Variants in NOS1 observed in about 807,000 individuals in gnomAD.
The protein encoded by NOS1 is NOS type I.
A neutral mutation model predicts 164.5 loss-of-function variants in NOS1; 51 were observed. That is an observed-to-expected ratio of 0.31 (90% CI 0.25 to 0.39). The LOEUF is 0.39. Among genes scored for constraint, NOS1 ranks in the 10% least tolerant of loss-of-function variants. NOS1 has a pLI of 1.00. For synonymous variants in NOS1, 719 were observed against 745.8 expected (o/e 0.96, Z 0.59); for missense variants, 1,362 against 1,885.6 (o/e 0.72, Z 5.14).
At chr12:117,240,618 A>G (rs962542754) in intron 20 of NOS1, among the ~76,000 whole-genome samples, 6 of 152,210 alleles carry the variant, frequency 3.9e-5, no homozygotes, top group African/African-American at 1.4e-4. Context: ...TAAAATGTGT[A>G]TGATAAGAGT....
chr12:117,350,509 C>T (rs779639322), intron 1 of NOS1, among the ~76,000 whole-genome samples: 1 of 152,202 alleles, frequency 6.6e-6, no homozygotes, highest in South Asian at 2.1e-4. Context: ...CCCATTTTCT[C>T]AAAGTACCTT....
At chr12:117,280,691 G>A in intron 8 of NOS1, 34 bp downstream of exon 8, 2 of 1,599,550 alleles carry the variant, frequency 1.3e-6, no homozygotes, top group African/African-American at 1.3e-5. Context: ...AAGAGCCCAT[G>A]TTGGGGCAGG....
At chr12:117,304,997 A>G in intron 3 of NOS1, 1 of 985,342 alleles carries the variant, frequency 1.0e-6, no homozygotes, top group Non-Finnish European at 1.2e-6. Flanking sequence ...CCTTTTGCCC[A>G]GTCCTTGGCA....
rs375610199 is a variant in NOS1, at chr12:117,226,669, C to A, written c.3704+14G>T. The A allele has an allele frequency of 9.3e-6, 15 of 1,611,714 alleles. No individual in the cohort carries two copies. The highest frequency in any genetic ancestry group is 1.2e-5 in the Non-Finnish European group (14 of 1,178,010). ...TTTGAGATGATTGCTCATTTTTCTC[C>A]ACTTATTACTCACCCTCTCACGAAA... On this transcript the variant is annotated intron_variant, in intron 24 of 28. Transcript: ENST00000317775.
Position 117,234,750 on chromosome 12 carries a change from G to A in NOS1, c.3050C>T (p.Thr1017Ile). 1 of 1,607,962 alleles carries A rather than the reference G, an allele frequency of 6.2e-7. No individual in the cohort carries two copies. ...GTTGGTGTGGAGACGCACGAAGATA[G>A]TTGACCGACTGCAGGAAATTGCAGA... ...NLQSPKSSRSTIFVRLHTNGS... is the reference protein window; with the variant it reads ...NLQSPKSSRSIIFVRLHTNGS... The change falls in exon 21 of 29, where the codon ACT (threonine) becomes ATT (isoleucine). Residue 1017 changes from threonine to isoleucine, a missense_variant. This residue lies in a region of NOS1 where 737 missense variants were observed against 1,030.3 expected (regional missense o/e 0.72). Coordinates refer to ENST00000317775, the MANE Select transcript of NOS1 (RefSeq NM_000620.5). The surrounding 1 kb of genome is among the most constrained non-coding windows in gnomAD (Gnocchi z 4.3).
Position 117,331,015 on chromosome 12 carries a change from G to C in NOS1, c.55C>G (p.Arg19Gly). The change falls in exon 2 of 29, where the codon CGT (arginine) becomes GGT (glycine). Residue 19 changes from arginine to glycine, a missense_variant. By Grantham distance (125) the Arg-to-Gly change is moderately radical. Coordinates refer to ENST00000317775, the MANE Select transcript of NOS1 (RefSeq NM_000620.5). ...CCCCCAACTTTGCGCTTGAAGAGAC[G>C]AACAGAAATGACATTGGGCTGGATT... Reference protein sequence around the residue: ...QQIQPNVISVRLFKRKVGGLG... With the variant: ...QQIQPNVISVGLFKRKVGGLG... The C allele has an allele frequency of 6.2e-7, 1 of 1,614,126 alleles. No individual in the cohort carries two copies. Among genetic ancestry groups the C allele is most frequent in the Non-Finnish European group, 8.5e-7 (1 of 1,180,024 alleles).
At chr12:117,264,894 G>A (rs1325095458) in intron 12 of NOS1, among the ~76,000 whole-genome samples, 1 of 151,892 alleles carries the variant, frequency 6.6e-6, no homozygotes, top group Non-Finnish European at 1.5e-5. Context: ...AGTAGAGATG[G>A]GGTTTCGCCA....
chr12:117,361,227 G>A (rs1311988440), intron 1 of NOS1, among the ~76,000 whole-genome samples: 1 of 149,898 alleles, frequency 6.7e-6, no homozygotes, highest in African/African-American at 2.4e-5. Flanking sequence ...CGCGGCCGCC[G>A]CGCTCCGGGT....
intron 10 of NOS1, among the ~76,000 whole-genome samples, chr12:117,269,177 C>T (rs1322394007): frequency 6.6e-6 from 1 of 152,056 alleles, no homozygotes; most frequent in Admixed American, 6.6e-5. Context: ...GTGGAGACAG[C>T]ATGCAAGGTG....
intron 7 of NOS1, among the ~76,000 whole-genome samples, chr12:117,282,882 C>T (rs908362394): frequency 6.6e-6 from 1 of 151,912 alleles, no homozygotes; most frequent in Non-Finnish European, 1.5e-5. Flanking sequence ...GTGATGCCTA[C>T]TCTATGTGCA....
rs972678419 is a variant in NOS1, at chr12:117,361,577, C to A, written c.-486G>T. On this transcript the variant is annotated 5_prime_UTR_variant, in exon 1 of 29. It introduces an in-frame stop codon into an upstream open reading frame of the 5' UTR. Coordinates refer to ENST00000317775, the MANE Select transcript of NOS1 (RefSeq NM_000620.5). ...GGAGGAGCCGCGGCGCTAAGTAGCT[C>A]CTCACCCAGCGGCTGGAAACGCGGC... The A allele has an allele frequency of 6.6e-6, 1 of 152,114 alleles. No individual in the cohort carries two copies. Among genetic ancestry groups the A allele is most frequent in the Non-Finnish European group, 1.5e-5 (1 of 68,046 alleles). The allele number at this position is 152,114 out of a possible 1,614,324, so 9.4% of individuals were successfully genotyped here.
intron 27 of NOS1, among the ~76,000 whole-genome samples, chr12:117,218,788 A>G (rs780061111): frequency 2.0e-5 from 3 of 152,046 alleles, no homozygotes; most frequent in Non-Finnish European, 4.4e-5. Flanking sequence ...AGAATTTACC[A>G]AGCTATGGGA....
At chr12:117,318,711 G>A (rs1874776827) in intron 2 of NOS1, among the ~76,000 whole-genome samples, 1 of 152,228 alleles carries the variant, frequency 6.6e-6, no homozygotes, top group South Asian at 2.1e-4. Context: ...GACCTGAGAG[G>A]GGAGCAGGTG....
At chr12:117,236,765 A>G (rs1374935656) in intron 20 of NOS1, among the ~76,000 whole-genome samples, 2 of 152,170 alleles carry the variant, frequency 1.3e-5, no homozygotes, top group Non-Finnish European at 2.9e-5. Flanking sequence ...CCAGATCATC[A>G]CGATTTGTAC....
Position 117,213,905 on chromosome 12 carries a change from T to C in NOS1, c.*1404A>G, listed in dbSNP as rs892625446. On this transcript the variant is annotated 3_prime_UTR_variant, in exon 29 of 29. Transcript: ENST00000317775. ...GAGAGTAAATTCAACAGGTTGCCTC[T>C]TAGGGAGGAATTACACCGGCTCCAA... The C allele has an allele frequency of 3.0e-6, 3 of 985,296 alleles. No homozygotes were observed. The highest frequency in any genetic ancestry group is 3.6e-6 in the Non-Finnish European group (3 of 829,930). The allele number at this position is 985,296 out of a possible 1,614,324, so 61.0% of individuals were successfully genotyped here.
In NOS1 at chr12:117,272,421, G is replaced by A. The variant is rs371959195; in HGVS notation, c.1803C>T (p.Arg601=). Residue 601 remains arginine, a synonymous_variant, in exon 10 of 29, where the codon CGC becomes CGT. Coordinates refer to ENST00000317775, the MANE Select transcript of NOS1 (RefSeq NM_000620.5). The surrounding 1 kb of genome is among the most constrained non-coding windows in gnomAD (Gnocchi z 4.3). ...TGTAGCGGGAGTTGTCACAGTAGTC[G>A]CGGACACCAATCTCTGTGCCCATGT... The part of the protein sequence containing the change: ...GWYMGTEIGV[R]DYCDNSRYNI... 5.4e-5 allele frequency: 87 copies of A among 1,614,102 alleles called. No homozygotes were observed. In the Admixed American group the frequency reaches 8.2e-4, roughly 15 times the overall value.
rs1330065690 is a variant in NOS1, at chr12:117,270,789, A to G, written c.1839+1596T>C. ...GGTGGCTCACCCCTGTAATCCCAGC[A>G]CTTTGGGAGGCCAAGGCGGGTGGAT... is the stretch of plus-strand genomic sequence containing the variant. On this transcript the variant is annotated intron_variant, in intron 10 of 28. Coordinates refer to ENST00000317775, the MANE Select transcript of NOS1 (RefSeq NM_000620.5). 2.0e-5 allele frequency among the ~76,000 whole-genome samples: 3 copies of G among 152,142 alleles called. No homozygotes were observed. The East Asian group carries it at 5.8e-4, about 29-fold the overall frequency.
At chr12:117,359,792 AC>A (rs796569892) in intron 1 of NOS1, among the ~76,000 whole-genome samples, 1 of 145,928 alleles carries the variant, frequency 6.9e-6, no homozygotes, top group Non-Finnish European at 1.5e-5. Flanking sequence ...TGTGGGGTAG[AC>A]CCCCCGGTTC....
chr12:117,234,807 C>T lies in NOS1; in HGVS notation c.3042-49G>A, dbSNP rs759112535. The T allele has an allele frequency of 1.3e-6, 2 of 1,509,910 alleles. No homozygotes were observed. Among genetic ancestry groups the T allele is most frequent in the Non-Finnish European group, 1.8e-6 (2 of 1,112,980 alleles). 93.5% of individuals were successfully genotyped at this position (1,509,910 alleles called of 1,614,324 possible). A position where few individuals can be genotyped will look rare whatever the true frequency, so the allele number is the denominator to read the frequency against. ...ATAGGACAAGGGCCAGCAGCTACTT[C>T]CTCCTTTTTTTGCTCTTCTGTCTGT... is the stretch of plus-strand genomic sequence containing the variant. On this transcript the variant is annotated intron_variant, in intron 20 of 28. Coordinates refer to ENST00000317775, the MANE Select transcript of NOS1 (RefSeq NM_000620.5). This position sits in a 1 kb window ranked among gnomAD's most constrained non-coding sequence, Gnocchi z 4.3.
Sources: gnomAD v4.1 joint callset for allele counts (sites outside exome capture counted in the v4.1 genomes callset) on GRCh38, gnomAD v4.1.1 for gene constraint, gnomAD v4.1.1 regional missense constraint, Gnocchi (gnomAD v3.1) non-coding constraint, MANE v1.5 for transcripts, NCBI Gene and HGNC (gene_info 2026-07-23, HGNC 2026-07-21) for gene names.